The following BDKRB1 variants were observed in gnomAD, a reference collection of about 807,000 sequenced individuals.
The protein encoded by BDKRB1 is bradykinin receptor B1, also known as B1 bradykinin receptor.
For missense variants in BDKRB1, 414 were observed against 441.4 expected (o/e 0.94, Z 0.56); for synonymous variants, 192 against 189.1 (o/e 1.02, Z -0.13).
At position 96,264,644 on chromosome 14, in the gene BDKRB1, C is replaced by G. The variant is rs1885849837; in HGVS notation, c.962C>G (p.Thr321Ser). Residue 321 changes from threonine to serine, a missense_variant, in exon 3 of 3, where the codon ACC becomes AGC. By Grantham distance (58) the Thr-to-Ser change is moderately conservative. Transcript: ENST00000216629. ...IYVFVGRLFR[T>S]KVWELYKQCT... ...GTCTTTGTGGGCCGGCTCTTCAGGA[C>G]CAAGGTCTGGGAACTTTATAAACAA... 4.3e-6 allele frequency: 7 copies of G among 1,614,168 alleles called. No individual in the cohort carries two copies. The highest frequency in any genetic ancestry group is 5.9e-6 in the Non-Finnish European group (7 of 1,180,040).
At chr14:96,259,919 C>G (rs1024256251) in intron 1 of BDKRB1, 1 of 152,120 alleles carries the variant, frequency 6.6e-6, no homozygotes, top group African/African-American at 2.4e-5. Flanking sequence ...GCTGAGTTAA[C>G]TTAAAGAACA....
At position 96,264,128 on chromosome 14, in the gene BDKRB1, A is replaced by G. The variant is rs770350418; in HGVS notation, c.446A>G (p.Gln149Arg). 2.5e-6 allele frequency: 4 copies of G among 1,595,028 alleles called. No homozygotes were observed. In the Admixed American group the frequency reaches 5.1e-5, roughly 20 times the overall value. Reference protein sequence around the residue: ...LVHPMASRRQQRRRQARVTCV... With the variant: ...LVHPMASRRQRRRRQARVTCV... ...CACCCTATGGCCAGCCGGAGGCAGC[A>G]GCGGCGGAGGCAGGCCCGGGTCACC... The change falls in exon 3 of 3, where the codon CAG becomes CGG. Residue 149 changes from glutamine (Q) to arginine (R), a missense_variant. Physicochemically the swap from Gln to Arg is conservative, Grantham distance 43 (BLOSUM62 1). Transcript: ENST00000216629.
intron 1 of BDKRB1, among the ~76,000 whole-genome samples, chr14:96,257,071 G>A (rs746814218): frequency 6.6e-6 from 1 of 152,200 alleles, no homozygotes; most frequent in Non-Finnish European, 1.5e-5. Flanking sequence ...CTGAAAACTG[G>A]CAAAGGAAGA....
intron 1 of BDKRB1, among the ~76,000 whole-genome samples, 198 bp from the exon 2 acceptor site, chr14:96,262,454 A>G (rs186799354): frequency 6.6e-6 from 1 of 152,334 alleles, no homozygotes; most frequent in East Asian, 1.9e-4. Flanking sequence ...AATGGCTGCC[A>G]GGAAGATTAA....
At chr14:96,263,331 A>T (rs763818162) in intron 2 of BDKRB1, among the ~76,000 whole-genome samples, 3 of 152,186 alleles carry the variant, frequency 2.0e-5, no homozygotes, top group Admixed American at 6.5e-5. Flanking sequence ...ATTCTCTCCA[A>T]TGTTTAAAAA....
Position 96,256,250 on chromosome 14 carries a change from C to G in BDKRB1, c.-180C>G, listed in dbSNP as rs980836058. 1.3e-5 allele frequency: 2 copies of G among 152,200 alleles called. No individual in the cohort carries two copies. The highest frequency in any genetic ancestry group is 2.9e-5 in the Non-Finnish European group (2 of 68,046). 9.4% of individuals were successfully genotyped at this position (152,200 alleles called of 1,614,324 possible). A position where few individuals can be genotyped will look rare whatever the true frequency, so the allele number is the denominator to read the frequency against. On this transcript the variant is annotated 5_prime_UTR_variant, in exon 1 of 3. Transcript: ENST00000216629. ...AGAAAACTCCTCCAAAAGCAGCTCTCACTATCAGAAAACCCAACTACAGTT... is the reference window on the plus strand; with the variant it reads ...AGAAAACTCCTCCAAAAGCAGCTCTGACTATCAGAAAACCCAACTACAGTT...
chr14:96,257,367 C>G (rs1302052719), intron 1 of BDKRB1, among the ~76,000 whole-genome samples: 1 of 152,206 alleles, frequency 6.6e-6, no homozygotes, highest in Non-Finnish European at 1.5e-5. Flanking sequence ...TAAAACGATG[C>G]AAGTTATTAT....
intron 1 of BDKRB1, among the ~76,000 whole-genome samples, chr14:96,259,101 C>G (rs1345243758): frequency 6.6e-6 from 1 of 152,152 alleles, no homozygotes; most frequent in East Asian, 1.9e-4. Flanking sequence ...TTTCTGCATA[C>G]CAGCTTTGTT....
chr14:96,260,887 C>T (rs1885733488), intron 1 of BDKRB1, among the ~76,000 whole-genome samples: 1 of 152,184 alleles, frequency 6.6e-6, no homozygotes, highest in African/African-American at 2.4e-5. Context: ...CTGAATACCA[C>T]ACTTGTCTAC....
rs142160859 is a variant in BDKRB1, at chr14:96,264,042, T to C, written c.360T>C (p.Asn120=). The change falls in exon 3 of 3, where the codon AAT becomes AAC. Residue 120 remains asparagine (N), a synonymous_variant. Coordinates refer to ENST00000216629, the MANE Select transcript of BDKRB1 (RefSeq NM_000710.4). ...TCATCAACGGGGTCATCAAGGCCAA[T>C]TTGTTCATCAGCATCTTCCTGGTGG... The part of the protein sequence containing the change: ...CRVINGVIKA[N]LFISIFLVVA... 1.5e-5 allele frequency: 24 copies of C among 1,613,720 alleles called. No homozygotes were observed. Among genetic ancestry groups the C allele is most frequent in the Middle Eastern group, 1.6e-4 (1 of 6,082 alleles).
intron 1 of BDKRB1, among the ~76,000 whole-genome samples, chr14:96,258,822 C>A (rs1198815440): frequency 6.6e-6 from 1 of 152,054 alleles, no homozygotes; most frequent in East Asian, 1.9e-4. Flanking sequence ...CGTGCCCAGC[C>A]CACACGTATT....
chr14:96,258,209 C>A (rs900758076), intron 1 of BDKRB1, among the ~76,000 whole-genome samples: 1 of 152,008 alleles, frequency 6.6e-6, no homozygotes, highest in South Asian at 2.1e-4. Flanking sequence ...AATAATTGTT[C>A]TTGTTGTATA....
chr14:96,261,231 A>C (rs542555860), intron 1 of BDKRB1, among the ~76,000 whole-genome samples: 32 of 152,248 alleles, frequency 2.1e-4, no homozygotes, highest in African/African-American at 7.5e-4. Context: ...ATGTTTATTT[A>C]GTGTGTGTAT....
At chr14:96,257,838 TAGAA>T (rs1885651806) in intron 1 of BDKRB1, among the ~76,000 whole-genome samples, 1 of 142,114 alleles carries the variant, frequency 7.0e-6, no homozygotes, top group Admixed American at 7.4e-5. Context: ...TATTTACAGG[TAGAA>T]AGAGAGAGGA....
intron 1 of BDKRB1, among the ~76,000 whole-genome samples, chr14:96,259,149 A>G (rs1415066446): frequency 6.6e-6 from 1 of 152,222 alleles, no homozygotes; most frequent in Non-Finnish European, 1.5e-5. Context: ...TTGAAAGTTG[A>G]CGTTTTGCTG....
Position 96,264,036 on chromosome 14 carries a change from G to A in BDKRB1, c.354G>A (p.Lys118=), listed in dbSNP as rs758058313. 2 of 1,613,962 alleles carry A rather than the reference G, an allele frequency of 1.2e-6. No homozygotes were observed. Among genetic ancestry groups the A allele is most frequent in the Admixed American group, 3.3e-5 (2 of 60,014 alleles). ...LLCRVINGVI[K]ANLFISIFLV... ...GCCGTGTCATCAACGGGGTCATCAA[G>A]GCCAATTTGTTCATCAGCATCTTCC... The change falls in exon 3 of 3, where the codon AAG becomes AAA. Residue 118 remains lysine, a synonymous_variant. Transcript: ENST00000216629.
At chr14:96,261,871 A>C (rs1885757888) in intron 1 of BDKRB1, among the ~76,000 whole-genome samples, 1 of 152,248 alleles carries the variant, frequency 6.6e-6, no homozygotes, top group Admixed American at 6.5e-5. Context: ...TTTTGCCAGC[A>C]GGAGGCCACG....
Position 96,264,174 on chromosome 14 carries a change from G to T in BDKRB1, c.492G>T (p.Val164=). 1.2e-6 allele frequency: 2 copies of T among 1,606,904 alleles called. No individual in the cohort carries two copies. ...ARVTCVLIWV[V]GGLLSIPTFL... is the part of the protein sequence containing the mutation. Reference sequence around the variant, plus strand: ...TCACCTGCGTGCTCATCTGGGTTGTGGGGGGCCTCTTGAGCATCCCCACAT... The same window carrying T: ...TCACCTGCGTGCTCATCTGGGTTGTTGGGGGCCTCTTGAGCATCCCCACAT... The change falls in exon 3 of 3, where the codon GTG becomes GTT. Residue 164 remains valine (V), a synonymous_variant. Transcript: ENST00000216629.
chr14:96,260,991 CA>C (rs369481672), intron 1 of BDKRB1, among the ~76,000 whole-genome samples: 5 of 151,962 alleles, frequency 3.3e-5, no homozygotes, highest in East Asian at 1.9e-4. Context: ...CCACCCCCCA[CA>C]AAAAAAACTG....
Sources: allele counts gnomAD v4.1 joint callset (sites outside exome capture counted in the v4.1 genomes callset), GRCh38; gene constraint gnomAD v4.1.1; transcripts MANE v1.5; gene names NCBI Gene and HGNC (gene_info 2026-07-23, HGNC 2026-07-21).